Variants in CPNE8 observed in about 807,000 individuals in gnomAD.
The protein encoded by CPNE8 is copine-8.
A neutral mutation model predicts 81.5 loss-of-function variants in CPNE8; 45 were observed. That is an observed-to-expected ratio of 0.55 (90% CI 0.44 to 0.71). The LOEUF is 0.71. Ranked by LOEUF, CPNE8 falls within the 30% of genes least tolerant of loss-of-function variation. The pLI is 0.00. For synonymous variants in CPNE8, 252 were observed against 226.3 expected (o/e 1.11, Z -1.02); for missense variants, 594 against 672.1 (o/e 0.88, Z 1.28).
At chr12:38,733,108 A>C (rs1012574249) in intron 10 of CPNE8, among the ~76,000 whole-genome samples, 14 of 151,954 alleles carry the variant, frequency 9.2e-5, no homozygotes, top group African/African-American at 3.1e-4. Flanking sequence ...TAAAAATAAA[A>C]TAGCCAACCC....
rs572085016 is a variant in CPNE8 at position 38,780,847 on chromosome 12, C to T, written c.408-4546G>A. On this transcript the variant is annotated intron_variant, in intron 6 of 19. Transcript: ENST00000331366. ...TCAAGAATCTTTGCTTGAGAAGTTT[C>T]TAAAGAATGGGTTTCAAACTGAAGG... Among the ~76,000 whole-genome samples, 5 of 151,880 alleles carry T rather than the reference C, an allele frequency of 3.3e-5. No individual in the cohort carries two copies. The South Asian group carries it at 8.3e-4, about 25-fold the overall frequency.
At position 38,828,007 on chromosome 12, in the gene CPNE8, T is replaced by C. The variant is rs1331599796; in HGVS notation, c.407+1372A>G. On this transcript the variant is annotated intron_variant, in intron 6 of 19. Transcript: ENST00000331366. ...CAAATAAATAAATGAATAAGAAGTGTACCCATTCATAAAAATCTCTATTCT... is the reference window on the plus strand; with the variant it reads ...CAAATAAATAAATGAATAAGAAGTGCACCCATTCATAAAAATCTCTATTCT... Among the ~76,000 whole-genome samples the C allele has an allele frequency of 2.0e-5, 3 of 152,180 alleles. No individual in the cohort carries two copies. In the South Asian group the frequency reaches 6.2e-4, roughly 31 times the overall value.
chr12:38,798,019 A>C (rs1942544214), intron 6 of CPNE8, among the ~76,000 whole-genome samples: 1 of 152,178 alleles, frequency 6.6e-6, no homozygotes. Context: ...AAAAGAAATG[A>C]AGAAAGCCTC....
At chr12:38,823,674 G>A (rs183565048) in intron 6 of CPNE8, among the ~76,000 whole-genome samples, 3 of 152,242 alleles carry the variant, frequency 2.0e-5, no homozygotes, top group Admixed American at 2.0e-4. Context: ...CTCATGCCTG[G>A]CTGAGAGTAA....
intron 3 of CPNE8, among the ~76,000 whole-genome samples, chr12:38,870,593 G>A (rs1049785198): frequency 3.9e-5 from 6 of 152,100 alleles, no homozygotes; most frequent in African/African-American, 1.4e-4. Flanking sequence ...GTTAAACAAT[G>A]AGAACACATG....
intron 6 of CPNE8, among the ~76,000 whole-genome samples, chr12:38,777,325 G>T (rs1231508184): frequency 1.3e-5 from 2 of 152,028 alleles, no homozygotes; most frequent in African/African-American, 4.8e-5. Context: ...AGGATATAAA[G>T]AAAGGAAATA....
chr12:38,734,944 C>T (rs763167367), intron 10 of CPNE8, among the ~76,000 whole-genome samples: 6 of 152,086 alleles, frequency 3.9e-5, no homozygotes, highest in Non-Finnish European at 5.9e-5. Context: ...GCTTAATTCA[C>T]AAGGCATGTC....
chr12:38,881,096 G>C (rs530044072), intron 1 of CPNE8, among the ~76,000 whole-genome samples: 2 of 151,930 alleles, frequency 1.3e-5, no homozygotes, highest in South Asian at 2.1e-4. Flanking sequence ...TTCATTCCCG[G>C]CTACTCGGGA....
chr12:38,882,152 G>A (rs1429944024), intron 1 of CPNE8, among the ~76,000 whole-genome samples: 2 of 149,990 alleles, frequency 1.3e-5, no homozygotes, highest in African/African-American at 5.1e-5. Context: ...ATCCTGAGAT[G>A]AGTAGATTAC....
chr12:38,814,943 T>C (rs1017555469), intron 6 of CPNE8, among the ~76,000 whole-genome samples: 1 of 152,202 alleles, frequency 6.6e-6, no homozygotes, highest in Non-Finnish European at 1.5e-5. Context: ...ATATATATTT[T>C]TAAGTTAGCC....
intron 6 of CPNE8, among the ~76,000 whole-genome samples, chr12:38,791,349 A>G (rs1345174888): frequency 1.3e-5 from 2 of 151,570 alleles, no homozygotes; most frequent in African/African-American, 2.4e-5. Flanking sequence ...ACAGACTAAA[A>G]TGGACCATAT....
At chr12:38,696,226 C>G (rs990152436) in intron 14 of CPNE8, among the ~76,000 whole-genome samples, 1 of 152,116 alleles carries the variant, frequency 6.6e-6, no homozygotes, top group Non-Finnish European at 1.5e-5. Flanking sequence ...TTCCCTCCCA[C>G]CTCTACCTCT....
intron 1 of CPNE8, among the ~76,000 whole-genome samples, chr12:38,897,359 A>AG (rs1223917403): frequency 6.6e-6 from 1 of 152,106 alleles, no homozygotes; most frequent in Non-Finnish European, 1.5e-5. Context: ...AACTATCCCC[A>AG]GGAAAAAAAA....
chr12:38,721,803 C>T (rs1174025862), intron 13 of CPNE8, among the ~76,000 whole-genome samples: 1 of 152,212 alleles, frequency 6.6e-6, no homozygotes, highest in Non-Finnish European at 1.5e-5. Context: ...CCACTGAATT[C>T]CCCGGTGCCA....
At chr12:38,749,304 T>G (rs1052984256) in intron 10 of CPNE8, among the ~76,000 whole-genome samples, 3 of 152,224 alleles carry the variant, frequency 2.0e-5, no homozygotes, top group Non-Finnish European at 4.4e-5. Context: ...ATTAAACCTC[T>G]TTCTTTTGTA....
chr12:38,825,189 T>C (rs1943169230), intron 6 of CPNE8, among the ~76,000 whole-genome samples: 1 of 152,200 alleles, frequency 6.6e-6, no homozygotes, highest in African/African-American at 2.4e-5. Context: ...GCTTCGAAGT[T>C]GTGTTTGTCA....
At chr12:38,664,823 TAGGTGAGCACAG>T (rs1939031445) in intron 19 of CPNE8, among the ~76,000 whole-genome samples, 1 of 152,124 alleles carries the variant, frequency 6.6e-6, no homozygotes, top group Admixed American at 6.6e-5. Context: ...TTAGGTTTGT[TAGGTGAGCACAG>T]AGTCTGATAT....
intron 6 of CPNE8, among the ~76,000 whole-genome samples, chr12:38,818,518 TA>T (rs1008039314): frequency 4.1e-4 from 62 of 152,244 alleles, no homozygotes; most frequent in Non-Finnish European, 6.9e-4. Context: ...ATATCTTCTT[TA>T]ACCAGTCTAT....
intron 11 of CPNE8, among the ~76,000 whole-genome samples, chr12:38,727,557 C>T (rs1263332889): frequency 1.3e-5 from 2 of 152,160 alleles, no homozygotes; most frequent in Non-Finnish European, 2.9e-5. Context: ...TCTGGAAAAG[C>T]TCCATTCATA....
Sources: allele counts gnomAD v4.1 joint callset (sites outside exome capture counted in the v4.1 genomes callset), GRCh38; gene constraint gnomAD v4.1.1; transcripts MANE v1.5; gene names NCBI Gene and HGNC (gene_info 2026-07-23, HGNC 2026-07-21).